The following CEP85L variants were observed in gnomAD, a reference collection of about 807,000 sequenced individuals.
The protein encoded by CEP85L is centrosomal protein 85L.
In CEP85L, 60 loss-of-function variants were observed where a neutral mutation model predicts 100.3. That is an observed-to-expected ratio of 0.60 (90% CI 0.49 to 0.74). CEP85L has a LOEUF of 0.74. CEP85L is among the 30% of genes least tolerant of loss of function. CEP85L has a pLI of 0.00. For missense variants in CEP85L, 973 were observed against 936.2 expected (o/e 1.04, Z -0.51); for synonymous variants, 319 against 322.7 (o/e 0.99, Z 0.12).
At chr6:118,653,219 G>A (rs1362513839), upstream of CEP85L, among the ~76,000 whole-genome samples, 1 of 152,112 alleles carries the variant, frequency 6.6e-6, no homozygotes, top group African/African-American at 2.4e-5. Flanking sequence ...AAAAGTACAT[G>A]CGAAGGTGAA....
upstream of CEP85L, chr6:118,656,756 T>C (rs1054990569): frequency 6.6e-6 from 1 of 152,260 alleles, no homozygotes; most frequent in Non-Finnish European, 1.5e-5. Context: ...AAATTTTCTT[T>C]ATGCTAGAAA....
At chr6:118,675,868 G>C (rs1195629663) in intron 1 of CEP85L, among the ~76,000 whole-genome samples, 1 of 152,158 alleles carries the variant, frequency 6.6e-6, no homozygotes, top group Non-Finnish European at 1.5e-5. Context: ...TGAATAAAAT[G>C]AGAGAAAAGA....
At chr6:118,539,724 T>C (rs918229210) in intron 3 of CEP85L, among the ~76,000 whole-genome samples, 5 of 152,094 alleles carry the variant, frequency 3.3e-5, no homozygotes, top group Admixed American at 6.6e-5. Flanking sequence ...CCGCATGCAT[T>C]AGGTATTTAT....
At chr6:118,473,829 T>A (rs1383539474) in intron 10 of CEP85L, among the ~76,000 whole-genome samples, 2 of 152,046 alleles carry the variant, frequency 1.3e-5, no homozygotes, top group African/African-American at 4.8e-5. Flanking sequence ...GAGTCAAGGA[T>A]AAATCTAGGA....
chr6:118,561,197 AC>A (rs1160663315), intron 3 of CEP85L, among the ~76,000 whole-genome samples: 1 of 152,190 alleles, frequency 6.6e-6, no homozygotes. Flanking sequence ...ATTCCTAAAA[AC>A]AAGTAGAAAG....
chr6:118,610,990 G>C (rs2115226119), intron 2 of CEP85L, among the ~76,000 whole-genome samples: 1 of 152,234 alleles, frequency 6.6e-6, no homozygotes, highest in African/African-American at 2.4e-5. Context: ...AAGATAATTT[G>C]TCATTGGAGA....
intron 1 of CEP85L, among the ~76,000 whole-genome samples, chr6:118,666,784 G>A (rs1387990505): frequency 6.6e-6 from 1 of 151,622 alleles, no homozygotes; most frequent in East Asian, 1.9e-4. Context: ...AAAGGAAACA[G>A]GGGCAGCTAC....
rs1651364332 is a variant in CEP85L at position 118,680,305 on chromosome 6, G to GTT, written c.-27-27498_-27-27497insAA. The stretch of plus-strand genomic sequence containing the variant: ...AAAAAAAGAATCTTTCCTTGGTGTT[G>GTT]CTTTTTTTTTTTTTTTTTTTTTTTT... On this transcript the variant is annotated intron_variant, in intron 1 of 13. Coordinates refer to the CEP85L transcript ENST00000368488. Among the ~76,000 whole-genome samples the GTT allele has an allele frequency of 4.7e-5, 4 of 85,604 alleles. No individual in the cohort carries two copies. In the Admixed American group the frequency reaches 4.7e-4, roughly 10 times the overall value. 56.2% of individuals were successfully genotyped at this position (85,604 alleles called of 152,430 possible). A position where few individuals can be genotyped will look rare whatever the true frequency, so the allele number is the denominator to read the frequency against.
At chr6:118,641,280 CT>C (rs1375914223) in intron 1 of CEP85L, among the ~76,000 whole-genome samples, 2 of 152,176 alleles carry the variant, frequency 1.3e-5, no homozygotes, top group Admixed American at 6.5e-5. Context: ...ATAACCACCA[CT>C]TTTTTAACAT....
chr6:118,500,127 C>G (rs569817809), intron 5 of CEP85L, among the ~76,000 whole-genome samples: 1 of 145,344 alleles, frequency 6.9e-6, no homozygotes, highest in South Asian at 2.3e-4. Context: ...ATAGTGAGAC[C>G]TTGCCTCTAC....
intron 7 of CEP85L, among the ~76,000 whole-genome samples, chr6:118,483,293 A>G (rs1375328457): frequency 1.5e-5 from 2 of 130,914 alleles, no homozygotes; most frequent in Non-Finnish European, 3.6e-5. Flanking sequence ...AGGTCAAGGT[A>G]TAAGAAAAAT....
chr6:118,524,074 C>T (rs181001600), intron 3 of CEP85L, among the ~76,000 whole-genome samples, 154 bp from the exon 4 acceptor site: 118 of 152,060 alleles, frequency 7.8e-4, no homozygotes, highest in Non-Finnish European at 1.1e-3. Context: ...TACAACATAA[C>T]TTGGACAATT....
chr6:118,461,227 TTATGTTTATG>T lies in CEP85L; in HGVS notation c.*4168_*4177del, dbSNP rs1378654493. On this transcript the variant is annotated 3_prime_UTR_variant, in exon 13 of 13. Coordinates refer to ENST00000368491, the MANE Select transcript of CEP85L (RefSeq NM_001042475.3). ...CATCACAACAATGCGATGTTAAGTT[TTATGTTTATG>T]TATTTAACTATTTATACATATATGT... 6.6e-6 allele frequency: 1 copy of T among 152,074 alleles called. No homozygotes were observed. The highest frequency in any genetic ancestry group is 1.5e-5 in the Non-Finnish European group (1 of 67,992). 9.4% of individuals were successfully genotyped at this position (152,074 alleles called of 1,614,324 possible).
At chr6:118,550,157 G>GT (rs1476407995) in intron 3 of CEP85L, among the ~76,000 whole-genome samples, 1 of 151,890 alleles carries the variant, frequency 6.6e-6, no homozygotes, top group Non-Finnish European at 1.5e-5. Flanking sequence ...ACTAAAAGGC[G>GT]TGACAGCACT....
intron 11 of CEP85L, among the ~76,000 whole-genome samples, chr6:118,469,999 T>C (rs1282490707): frequency 6.6e-6 from 1 of 152,168 alleles, no homozygotes; most frequent in Non-Finnish European, 1.5e-5. Flanking sequence ...TTAGTAGCAA[T>C]AGTGGTTTAA....
chr6:118,463,243 T>C lies in CEP85L; in HGVS notation c.*2162A>G, dbSNP rs141973204. ...TAGTAGATTAAAACAAACTGTAACGTCTGCTTAAAAAAAAAAAAATAAATA... is the reference window on the plus strand; with the variant it reads ...TAGTAGATTAAAACAAACTGTAACGCCTGCTTAAAAAAAAAAAAATAAATA... On this transcript the variant is annotated 3_prime_UTR_variant, in exon 13 of 13. Transcript: ENST00000368491. The C allele has an allele frequency of 6.6e-6, 1 of 151,784 alleles. No individual in the cohort carries two copies. Among genetic ancestry groups the C allele is most frequent in the East Asian group, 1.9e-4 (1 of 5,180 alleles). The allele number at this position is 151,784 out of a possible 1,614,324, so 9.4% of individuals were successfully genotyped here. A position where few individuals can be genotyped will look rare whatever the true frequency, so the allele number is the denominator to read the frequency against.
intron 5 of CEP85L, chr6:118,501,685 T>G (rs1431767615): frequency 4.5e-5 from 30 of 664,742 alleles, no homozygotes; most frequent in Non-Finnish European, 8.4e-5. Context: ...AGATGAAAAT[T>G]TTTAGCCAGG....
chr6:118,509,679 G>C (rs1292988929), intron 5 of CEP85L, among the ~76,000 whole-genome samples: 1 of 151,948 alleles, frequency 6.6e-6, no homozygotes. Context: ...TAGGAATAAA[G>C]GCCGTAATGA....
At chr6:118,605,059 C>A (rs1340011069) in intron 2 of CEP85L, among the ~76,000 whole-genome samples, 1 of 152,080 alleles carries the variant, frequency 6.6e-6, no homozygotes, top group African/African-American at 2.4e-5. Flanking sequence ...TTTTTCATTG[C>A]CAGTTTCTTA....
Sources: gnomAD v4.1 joint callset for allele counts (sites outside exome capture counted in the v4.1 genomes callset) on GRCh38, gnomAD v4.1.1 for gene constraint, MANE v1.5 for transcripts, NCBI Gene and HGNC (gene_info 2026-07-23, HGNC 2026-07-21) for gene names.